CYBRD1: variants seen among roughly 807,000 people sequenced by gnomAD.
CYBRD1 encodes plasma membrane ascorbate-dependent reductase CYBRD1.
CYBRD1 carries 14 observed loss-of-function variants against 21.9 expected under a neutral mutation model. The ratio of observed to expected loss-of-function variants is 0.64; its 90% CI spans 0.42 to 1.00. The LOEUF is 1.00. CYBRD1 is among the 50% of genes least tolerant of loss of function. The probability of loss-of-function intolerance (pLI) is 0.00; values close to 1 mark genes in which losing one functional copy is unlikely to be tolerated. For synonymous variants in CYBRD1, 146 were observed against 136.5 expected (o/e 1.07, Z -0.48); for missense variants, 328 against 352.5 (o/e 0.93, Z 0.56).
At position 171,554,635 on chromosome 2, in the gene CYBRD1, A is replaced by G. The variant is rs1683449680; in HGVS notation, c.669A>G (p.Gln223=). ...TTTTTTGGATAGTCACCAGACCGCA[A>G]TGGAAACGTCCTAAGGAGCCAAATT... is the stretch of plus-strand genomic sequence containing the variant. ...ALIFWIVTRP[Q]WKRPKEPNST... is the part of the protein sequence containing the mutation. The change falls in exon 4 of 4, where the codon CAA becomes CAG. Residue 223 remains glutamine (Q), a synonymous_variant. Coordinates refer to ENST00000321348, the MANE Select transcript of CYBRD1 (RefSeq NM_024843.4). 1 of 1,614,032 alleles carries G rather than the reference A, an allele frequency of 6.2e-7. No homozygotes were observed. The highest frequency in any genetic ancestry group is 8.5e-7 in the Non-Finnish European group (1 of 1,179,946).
chr2:171,536,762 A>T lies in CYBRD1; in HGVS notation c.194-4823A>T, dbSNP rs545788183. The stretch of plus-strand genomic sequence containing the variant: ...CTCTTGACTTTTAATATCAGAGATG[A>T]GTTTTTATTTTGGGAATTTTTGATA... On this transcript the variant is annotated intron_variant, in intron 1 of 3. Transcript: ENST00000321348. 2.0e-5 allele frequency among the ~76,000 whole-genome samples: 3 copies of T among 152,290 alleles called. No individual in the cohort carries two copies. The South Asian group carries it at 6.2e-4, about 32-fold the overall frequency.
At position 171,523,983 on chromosome 2, in the gene CYBRD1, C is replaced by G. The variant is rs555088480; in HGVS notation, c.193+1245C>G. Among the ~76,000 whole-genome samples, 5 of 152,322 alleles carry G rather than the reference C, an allele frequency of 3.3e-5. No individual in the cohort carries two copies. The South Asian group carries it at 1.0e-3, about 32-fold the overall frequency. ...CTGCGGGCAGGCTGCCTTTTCTTCA[C>G]CAAATATTTAACTCCCCACAAACGA... On this transcript the variant is annotated intron_variant, in intron 1 of 3. Coordinates refer to ENST00000321348, the MANE Select transcript of CYBRD1 (RefSeq NM_024843.4).
intron 1 of CYBRD1, among the ~76,000 whole-genome samples, chr2:171,536,832 T>C (rs942287001): frequency 9.9e-5 from 15 of 152,194 alleles, no homozygotes; most frequent in African/African-American, 3.6e-4. Flanking sequence ...TGGTTCATTG[T>C]TCATAATTTG....
chr2:171,548,874 G>A (rs1480453925), intron 2 of CYBRD1, among the ~76,000 whole-genome samples: 2 of 152,086 alleles, frequency 1.3e-5, no homozygotes, highest in African/African-American at 2.4e-5. Context: ...GGAGGCCAAG[G>A]TGGGAAGATC....
Position 171,556,594 on chromosome 2 carries a change from C to T in CYBRD1, c.*1767C>T, listed in dbSNP as rs1036691121. ...GGTAACTGGTACTTACTTCCAAAGA[C>T]TGAATACAAGCCACACTCCATCATA... On this transcript the variant is annotated 3_prime_UTR_variant, in exon 4 of 4. Transcript: ENST00000321348. The T allele has an allele frequency of 3.3e-5, 5 of 152,128 alleles. No individual in the cohort carries two copies. Among genetic ancestry groups the T allele is most frequent in the Non-Finnish European group, 7.4e-5 (5 of 68,024 alleles). 9.4% of individuals were successfully genotyped at this position (152,128 alleles called of 1,614,324 possible).
intron 1 of CYBRD1, among the ~76,000 whole-genome samples, chr2:171,532,481 C>T (rs1431426647): frequency 6.6e-6 from 1 of 152,196 alleles, no homozygotes; most frequent in Non-Finnish European, 1.5e-5. Flanking sequence ...ATCAGCAGTA[C>T]AATTTTTCTT....
chr2:171,522,410 C>T, upstream of CYBRD1: 2 of 1,504,636 alleles, frequency 1.3e-6, no homozygotes, highest in Non-Finnish European at 1.8e-6. This position sits in a 1 kb window ranked among gnomAD's most constrained non-coding sequence, Gnocchi z 4.3. Flanking sequence ...GCCAGCAGCC[C>T]AGAAAGTCCC....
At chr2:171,542,468 A>G (rs1196224068) in intron 2 of CYBRD1, among the ~76,000 whole-genome samples, 1 of 152,126 alleles carries the variant, frequency 6.6e-6, no homozygotes, top group African/African-American at 2.4e-5. Flanking sequence ...TGGGCAACAT[A>G]GGGAGACTGT....
chr2:171,557,093 C>A lies in CYBRD1; in HGVS notation c.*2266C>A, dbSNP rs574265848. On this transcript the variant is annotated 3_prime_UTR_variant, in exon 4 of 4. Coordinates refer to ENST00000321348, the MANE Select transcript of CYBRD1 (RefSeq NM_024843.4). ...GTGGGCTAATGTGAGGATAATCTTA[C>A]AGATATTATAGGAATTTCTTTTCTA... 6.6e-6 allele frequency: 1 copy of A among 152,522 alleles called. No homozygotes were observed. Among genetic ancestry groups the A allele is most frequent in the Admixed American group, 6.6e-5 (1 of 15,258 alleles). The allele number at this position is 152,522 out of a possible 1,614,324, so 9.4% of individuals were successfully genotyped here. A position where few individuals can be genotyped will look rare whatever the true frequency, so the allele number is the denominator to read the frequency against.
In CYBRD1 at chr2:171,554,760, A is replaced by G; in HGVS notation, c.794A>G (p.Asn265Ser). ...ATGGACAAATCAGATTCAGAGTTAA[A>G]CAGTGAAGTAGCAGCAAGGAAAAGA... ...NNMDKSDSELNSEVAARKRNL... is the reference protein window; with the variant it reads ...NNMDKSDSELSSEVAARKRNL... The change falls in exon 4 of 4, where the codon AAC becomes AGC. Residue 265 changes from asparagine (N) to serine (S), a missense_variant. By Grantham distance (46) the Asn-to-Ser change is conservative. Transcript: ENST00000321348. 6.2e-7 allele frequency: 1 copy of G among 1,614,064 alleles called. No individual in the cohort carries two copies. The highest frequency in any genetic ancestry group is 8.5e-7 in the Non-Finnish European group (1 of 1,179,960).
intron 2 of CYBRD1, among the ~76,000 whole-genome samples, chr2:171,552,317 C>T (rs1559321260): frequency 6.6e-6 from 1 of 152,072 alleles, no homozygotes; most frequent in Non-Finnish European, 1.5e-5. Flanking sequence ...GTTAAAGTGA[C>T]AAATCATACA....
At chr2:171,529,303 A>C (rs2105330651) in intron 1 of CYBRD1, among the ~76,000 whole-genome samples, 1 of 152,246 alleles carries the variant, frequency 6.6e-6, no homozygotes, top group East Asian at 1.9e-4. Context: ...AGGCCAAGGC[A>C]GGTGGATCAC....
chr2:171,523,259 GA>G (rs1442694781), intron 1 of CYBRD1: 8 of 433,068 alleles, frequency 1.8e-5, no homozygotes, highest in Admixed American at 5.4e-5. Flanking sequence ...AGGCAGCGGG[GA>G]AAAGATTGCC....
intron 1 of CYBRD1, among the ~76,000 whole-genome samples, chr2:171,540,270 A>G (rs1697609848): frequency 1.3e-5 from 2 of 152,190 alleles, no homozygotes; most frequent in South Asian, 4.1e-4. Flanking sequence ...ATTACACTAT[A>G]TACTTGTTAA....
chr2:171,547,154 A>T (rs977851886), intron 2 of CYBRD1, among the ~76,000 whole-genome samples: 1 of 152,150 alleles, frequency 6.6e-6, no homozygotes, highest in Admixed American at 6.5e-5. Context: ...GAAACATTGG[A>T]GGGGAGGAGA....
rs909662688 is a variant in CYBRD1, at chr2:171,522,790, G to A, written c.193+52G>A. 4 of 1,609,192 alleles carry A rather than the reference G, an allele frequency of 2.5e-6. No individual in the cohort carries two copies. The African/African-American group carries it at 5.3e-5, about 21-fold the overall frequency. Reference sequence around the variant, plus strand: ...GGGAGGAAAGCGGGGAGAACGGCGGGGGCAGAGGGTCCTCCGTGAAGCCCC... The same window carrying A: ...GGGAGGAAAGCGGGGAGAACGGCGGAGGCAGAGGGTCCTCCGTGAAGCCCC... On this transcript the variant is annotated intron_variant, in intron 1 of 3. Coordinates refer to ENST00000321348, the MANE Select transcript of CYBRD1 (RefSeq NM_024843.4). The surrounding 1 kb of genome is among the most constrained non-coding windows in gnomAD (Gnocchi z 4.3).
At position 171,522,782 on chromosome 2, in the gene CYBRD1, A is replaced by G; in HGVS notation, c.193+44A>G. 1 of 1,611,138 alleles carries G rather than the reference A, an allele frequency of 6.2e-7. No homozygotes were observed. Among genetic ancestry groups the G allele is most frequent in the South Asian group, 1.1e-5 (1 of 90,296 alleles). On this transcript the variant is annotated intron_variant, in intron 1 of 3. Transcript: ENST00000321348. The surrounding 1 kb of genome is among the most constrained non-coding windows in gnomAD (Gnocchi z 4.3). ...GGGGTGCGGGGAGGAAAGCGGGGAGAACGGCGGGGGCAGAGGGTCCTCCGT... is the reference window on the plus strand; with the variant it reads ...GGGGTGCGGGGAGGAAAGCGGGGAGGACGGCGGGGGCAGAGGGTCCTCCGT...
intron 1 of CYBRD1, among the ~76,000 whole-genome samples, chr2:171,529,531 CAA>C (rs57600338): frequency 1.8e-3 from 123 of 69,288 alleles, no homozygotes; most frequent in East Asian, 5.7e-3. Flanking sequence ...AACTCTGTCT[CAA>C]AAAAAAAAAA....
chr2:171,522,635 G>T lies in CYBRD1; in HGVS notation c.90G>T (p.Trp30Cys). 3 of 1,613,556 alleles carry T rather than the reference G, an allele frequency of 1.9e-6. No homozygotes were observed. Among genetic ancestry groups the T allele is most frequent in the Non-Finnish European group, 2.5e-6 (3 of 1,179,940 alleles). Residue 30 changes from tryptophan (W) to cysteine (C), a missense_variant, in exon 1 of 4, where the codon TGG (tryptophan) becomes TGT (cysteine). Transcript: ENST00000321348. The surrounding 1 kb of genome is among the most constrained non-coding windows in gnomAD (Gnocchi z 4.3). ...GFLSVIFALV[W>C]VLHYREGLGW... ...TGTCGGTGATCTTCGCCCTCGTCTG[G>T]GTCCTCCACTACCGAGAGGGGCTTG...
Sources: gnomAD v4.1 joint callset for allele counts (sites outside exome capture counted in the v4.1 genomes callset) on GRCh38, gnomAD v4.1.1 for gene constraint, Gnocchi (gnomAD v3.1) non-coding constraint, MANE v1.5 for transcripts, NCBI Gene and HGNC (gene_info 2026-07-23, HGNC 2026-07-21) for gene names.